Variants in NMRK1 observed in about 807,000 individuals in gnomAD.
The protein encoded by NMRK1 is nicotinamide riboside kinase 1.
Under a neutral mutation model 29.9 loss-of-function variants are expected in NMRK1, and 28 were observed. The observed-to-expected ratio is 0.94, with a 90% CI of 0.69 to 1.28. The LOEUF (loss-of-function observed/expected upper bound fraction) is 1.28. NMRK1 is among the 50% of genes most tolerant of loss of function. NMRK1 has a pLI of 0.00. For synonymous variants in NMRK1, 58 were observed against 73.0 expected (o/e 0.79, Z 1.05); for missense variants, 218 against 233.1 (o/e 0.94, Z 0.42).
intron 7 of NMRK1, among the ~76,000 whole-genome samples, chr9:75,067,537 G>T (rs537734596): frequency 6.6e-6 from 1 of 152,272 alleles, no homozygotes; most frequent in East Asian, 1.9e-4. Context: ...GAAGCTCCAG[G>T]AACAGCGTGA....
intron 4 of NMRK1, among the ~76,000 whole-genome samples, chr9:75,074,599 C>A (rs1360479669): frequency 6.6e-6 from 1 of 152,112 alleles, no homozygotes; most frequent in African/African-American, 2.4e-5. Flanking sequence ...GTTGCTCAGG[C>A]TGGTCTTGAA....
At chr9:75,077,643 T>A in intron 2 of NMRK1, 63 bp from the exon 3 acceptor site, 1 of 1,235,250 alleles carries the variant, frequency 8.1e-7, no homozygotes, top group South Asian at 1.2e-5. Context: ...TAAACACTTT[T>A]TTTTTTTTGA....
chr9:75,081,963 C>T lies in NMRK1; in HGVS notation c.29+1124G>A, dbSNP rs56397471. Among the ~76,000 whole-genome samples the T allele has an allele frequency of 9.7e-3, 1,471 of 152,288 alleles. 13 individuals carry two copies. Among genetic ancestry groups the T allele is most frequent in the Non-Finnish European group, 0.017 (1,165 of 68,022 alleles). Reference sequence around the variant, plus strand: ...GACACATAAAAGAGAGAAAAACTGCCTTTGGTGATACCACTGAGCTCCTGT... The same window carrying T: ...GACACATAAAAGAGAGAAAAACTGCTTTTGGTGATACCACTGAGCTCCTGT... On this transcript the variant is annotated intron_variant, in intron 2 of 8. Transcript: ENST00000361092.
At chr9:75,081,490 C>T (rs1267545859) in intron 2 of NMRK1, among the ~76,000 whole-genome samples, 1 of 152,170 alleles carries the variant, frequency 6.6e-6, no homozygotes, top group East Asian at 1.9e-4. Context: ...AGAAGGCTTT[C>T]TTAGGGAGTT....
intron 2 of NMRK1, among the ~76,000 whole-genome samples, chr9:75,079,774 G>C (rs1316461044): frequency 1.3e-5 from 2 of 151,976 alleles, no homozygotes; most frequent in Non-Finnish European, 2.9e-5. Flanking sequence ...AGGAATGGGG[G>C]AATAGGATGG....
chr9:75,061,190 T>C lies in NMRK1; in HGVS notation c.*358A>G. The C allele has an allele frequency of 4.2e-6, 1 of 240,072 alleles. No homozygotes were observed. 14.9% of individuals were successfully genotyped at this position (240,072 alleles called of 1,614,324 possible). A position where few individuals can be genotyped will look rare whatever the true frequency, so the allele number is the denominator to read the frequency against. On this transcript the variant is annotated 3_prime_UTR_variant, in exon 9 of 9. Coordinates refer to ENST00000361092, the MANE Select transcript of NMRK1 (RefSeq NM_017881.3). ...AAATACATAAACATACACAATGAATTCCACAGATATTGGATTGTGATGTAA... is the reference window on the plus strand; with the variant it reads ...AAATACATAAACATACACAATGAATCCCACAGATATTGGATTGTGATGTAA...
intron 2 of NMRK1, 43 bp downstream of exon 2, chr9:75,083,044 A>G: frequency 7.1e-7 from 1 of 1,408,958 alleles, no homozygotes; most frequent in Non-Finnish European, 1.0e-6. Flanking sequence ...CCATTTGGAC[A>G]TCCTCAGTAT....
chr9:75,077,789 C>T (rs1824089868), intron 2 of NMRK1, among the ~76,000 whole-genome samples: 8 of 152,120 alleles, frequency 5.3e-5, no homozygotes, highest in Admixed American at 5.2e-4. Context: ...GTGCCCGCCA[C>T]CATGCCCGGC....
At chr9:75,068,813 T>C (rs1823520311) in intron 7 of NMRK1, among the ~76,000 whole-genome samples, 183 bp downstream of exon 7, 1 of 152,126 alleles carries the variant, frequency 6.6e-6, no homozygotes, top group African/African-American at 2.4e-5. Context: ...TGAATAACCA[T>C]CCAGAAGCTG....
At position 75,069,801 on chromosome 9, in the gene NMRK1, A is replaced by G. The variant is rs751496206; in HGVS notation, c.330T>C (p.Thr110=). 2.5e-6 allele frequency: 4 copies of G among 1,612,902 alleles called. No individual in the cohort carries two copies. Among genetic ancestry groups the G allele is most frequent in the Non-Finnish European group, 2.5e-6 (3 of 1,179,308 alleles). Residue 110 remains threonine (T), a synonymous_variant, in exon 6 of 9, where the codon ACT becomes ACC. Transcript: ENST00000361092. ...TCAGGAAATAGCTTCTATTCCATATAGTGTCAAGGGGCCTAAAATAACAGC... is the reference window on the plus strand; with the variant it reads ...TCAGGAAATAGCTTCTATTCCATATGGTGTCAAGGGGCCTAAAATAACAGC... ...FLLFNYKPLD[T]IWNRSYFLTI... is the part of the protein sequence containing the mutation.
At chr9:75,076,680 T>C (rs558429150) in intron 4 of NMRK1, among the ~76,000 whole-genome samples, 2 of 152,116 alleles carry the variant, frequency 1.3e-5, no homozygotes, top group South Asian at 2.1e-4. Context: ...AGACTCAGTG[T>C]CCTGGGCAAA....
chr9:75,083,230 A>T, intron 1 of NMRK1, 80 bp from the exon 2 acceptor site: 1 of 744,240 alleles, frequency 1.3e-6, no homozygotes. Context: ...CTAAATTAGG[A>T]GCACCAGCTG....
chr9:75,085,726 G>GTTTTTT (rs58741153), intron 1 of NMRK1, among the ~76,000 whole-genome samples: 2 of 85,130 alleles, frequency 2.3e-5, no homozygotes, highest in African/African-American at 8.9e-5. Context: ...TCAAATGTAA[G>GTTTTTT]TTTTTTTTTT....
At chr9:75,080,394 G>A (rs899491101) in intron 2 of NMRK1, among the ~76,000 whole-genome samples, 1 of 152,196 alleles carries the variant, frequency 6.6e-6, no homozygotes, top group Non-Finnish European at 1.5e-5. Flanking sequence ...ACTCACACCT[G>A]TAATCCCAGT....
intron 2 of NMRK1, among the ~76,000 whole-genome samples, chr9:75,081,727 T>C (rs947190344): frequency 2.0e-5 from 3 of 152,294 alleles, no homozygotes; most frequent in African/African-American, 7.2e-5. Context: ...CCCACTGACC[T>C]AAACCAATCA....
At chr9:75,087,830 C>CATG (rs1265349024) in intron 1 of NMRK1, 178 bp downstream of exon 1, 1 of 152,302 alleles carries the variant, frequency 6.6e-6, no homozygotes, top group Non-Finnish European at 1.5e-5. Flanking sequence ...ACCACGCCAC[C>CATG]ATGAGTACAC....
chr9:75,083,881 T>C (rs551759037), intron 1 of NMRK1, among the ~76,000 whole-genome samples: 2 of 152,306 alleles, frequency 1.3e-5, no homozygotes, highest in South Asian at 2.1e-4. Flanking sequence ...ATTCAACATA[T>C]AATCATAATT....
chr9:75,069,076 G>A lies in NMRK1; in HGVS notation c.416C>T (p.Ser139Phe), dbSNP rs137952847. The A allele has an allele frequency of 1.5e-5, 25 of 1,613,916 alleles. 1 individual carries two copies. Among genetic ancestry groups the A allele is most frequent in the Middle Eastern group, 3.3e-4 (2 of 6,084 alleles). ...RSTRVYQPPD[S>F]PGYFDGHVWP... ...CACATGGCCATCAAAGTATCCCGGA[G>A]AGTCTGGAGGCTGATAGACCCTTGT... Residue 139 changes from serine (S) to phenylalanine (F), a missense_variant, in exon 7 of 9, where the codon TCT becomes TTT. Transcript: ENST00000361092.
Position 75,068,067 on chromosome 9 carries a change from C to T in NMRK1, c.496+929G>A, listed in dbSNP as rs34933330. On this transcript the variant is annotated intron_variant, in intron 7 of 8. Transcript: ENST00000361092. ...ATTATGTGCAAAAGAGACATGCATTCCTCCCTTACAGGTCTGCAATGCCTT... is the reference window on the plus strand; with the variant it reads ...ATTATGTGCAAAAGAGACATGCATTTCTCCCTTACAGGTCTGCAATGCCTT... 2.6e-3 allele frequency among the ~76,000 whole-genome samples: 399 copies of T among 152,264 alleles called. 1 individual carries two copies. Among genetic ancestry groups the T allele is most frequent in the Middle Eastern group, 0.02 (6 of 294 alleles).
Sources: gnomAD v4.1 joint callset for allele counts (sites outside exome capture counted in the v4.1 genomes callset) on GRCh38, gnomAD v4.1.1 for gene constraint, MANE v1.5 for transcripts, NCBI Gene and HGNC (gene_info 2026-07-23, HGNC 2026-07-21) for gene names.